The following HMG20A variants were observed in gnomAD, a reference collection of about 807,000 sequenced individuals.
The protein encoded by HMG20A is high mobility group 20A, also known as high mobility group protein 20A.
In HMG20A, 17 loss-of-function variants were observed where a neutral mutation model predicts 43.9. The observed-to-expected ratio is 0.39, with a 90% CI of 0.27 to 0.58. The LOEUF (loss-of-function observed/expected upper bound fraction) is 0.58, where lower values mean the gene tolerates loss of function less well. Among genes scored for constraint, HMG20A ranks in the 20% least tolerant of loss-of-function variants. The pLI, the probability that HMG20A is intolerant of heterozygous loss-of-function variation, is 0.59. For synonymous variants in HMG20A, 132 were observed against 147.5 expected (o/e 0.89, Z 0.76); for missense variants, 341 against 438.2 (o/e 0.78, Z 1.98).
chr15:77,438,412 T>C (rs1406378741), intron 1 of HMG20A, among the ~76,000 whole-genome samples: 1 of 152,170 alleles, frequency 6.6e-6, no homozygotes, highest in Admixed American at 6.5e-5. Flanking sequence ...TATGCCATAA[T>C]GCAACCACAG....
chr15:77,504,474 C>T, the HMG20A span, among the ~76,000 whole-genome samples: 3 of 152,248 alleles, frequency 2.0e-5, no homozygotes, highest in South Asian at 2.1e-4. Context: ...TGTAAGGAAC[C>T]CTTTGCGCGG....
intron 1 of HMG20A, among the ~76,000 whole-genome samples, chr15:77,439,927 G>A (rs2073592987): frequency 6.6e-6 from 1 of 151,968 alleles, no homozygotes; most frequent in African/African-American, 2.4e-5. Context: ...ATTCTGGTGG[G>A]TATATAATAC....
intron 1 of HMG20A, among the ~76,000 whole-genome samples, chr15:77,432,191 T>G (rs1334782458): frequency 6.6e-6 from 1 of 152,174 alleles, no homozygotes; most frequent in Non-Finnish European, 1.5e-5. Flanking sequence ...ACTGCCAATC[T>G]AGAAATCACG....
At chr15:77,450,938 G>A (rs2073730176) in intron 1 of HMG20A, among the ~76,000 whole-genome samples, 1 of 152,094 alleles carries the variant, frequency 6.6e-6, no homozygotes, top group African/African-American at 2.4e-5. Context: ...TTCCTCTTGG[G>A]TCATCAAGTG....
At chr15:77,489,557 C>T (rs1234403316), downstream of HMG20A, among the ~76,000 whole-genome samples, 1 of 152,162 alleles carries the variant, frequency 6.6e-6, no homozygotes, top group Non-Finnish European at 1.5e-5. Context: ...TCCTAGTCCC[C>T]ATAGAGCTCT....
At chr15:77,497,655 TAG>T in the HMG20A span, among the ~76,000 whole-genome samples, 10,129 of 127,622 alleles carry the variant, frequency 0.079, 449 homozygotes, top group Non-Finnish European at 0.1. Context: ...GAGATATTAA[TAG>T]AGAGAGAGAG....
At chr15:77,493,381 G>A in the HMG20A span, among the ~76,000 whole-genome samples, 7 of 152,114 alleles carry the variant, frequency 4.6e-5, no homozygotes, top group Non-Finnish European at 1.0e-4. Context: ...TAGAGGAGCT[G>A]AAAGAAAACC....
At chr15:77,479,082 G>C in intron 8 of HMG20A, 97 bp from the exon 9 acceptor site, 1 of 1,167,658 alleles carries the variant, frequency 8.6e-7, no homozygotes, top group Non-Finnish European at 1.3e-6. Flanking sequence ...CATGTCTGTG[G>C]AGCAGACCAC....
the HMG20A span, among the ~76,000 whole-genome samples, chr15:77,500,615 C>A: frequency 6.8e-6 from 1 of 148,062 alleles, no homozygotes. Flanking sequence ...GTCTCCCAGG[C>A]TGGAGTGCAA....
chr15:77,509,593 T>G, the HMG20A span, among the ~76,000 whole-genome samples: 1 of 146,692 alleles, frequency 6.8e-6, no homozygotes, highest in African/African-American at 2.5e-5. Context: ...TGTGTGTGTG[T>G]GTGTGTGTGT....
At position 77,431,513 on chromosome 15, in the gene HMG20A, G is replaced by GT. The variant is rs1175570972; in HGVS notation, c.-5+10517dup. ...AGGCATGAGCTACCATGCCCAGCTG[G>GT]TTTTTTTTGTTTTTTTAATTGACAA... On this transcript the variant is annotated intron_variant, in intron 1 of 9. Coordinates refer to ENST00000336216, the MANE Select transcript of HMG20A (RefSeq NM_001304504.2). Among the ~76,000 whole-genome samples the GT allele has an allele frequency of 5.9e-5, 9 of 151,548 alleles. No homozygotes were observed. In the South Asian group the frequency reaches 8.3e-4, roughly 14 times the overall value.
At chr15:77,448,336 C>G (rs1238847919) in intron 1 of HMG20A, among the ~76,000 whole-genome samples, 1 of 152,182 alleles carries the variant, frequency 6.6e-6, no homozygotes, top group Non-Finnish European at 1.5e-5. Context: ...TAGTTCAGTC[C>G]AGCCACATTT....
chr15:77,427,819 G>A (rs2073442013), intron 1 of HMG20A, among the ~76,000 whole-genome samples: 1 of 152,182 alleles, frequency 6.6e-6, no homozygotes, highest in Non-Finnish European at 1.5e-5. Context: ...CATTTATGTA[G>A]TATTGTGCTA....
intron 1 of HMG20A, among the ~76,000 whole-genome samples, chr15:77,456,211 A>AT (rs1449419801): frequency 2.0e-5 from 3 of 152,204 alleles, no homozygotes; most frequent in African/African-American, 7.2e-5. Flanking sequence ...ATGACTAAAG[A>AT]TATCTGGAAA....
At chr15:77,428,574 CAA>C (rs773280152) in intron 1 of HMG20A, among the ~76,000 whole-genome samples, 12 of 152,198 alleles carry the variant, frequency 7.9e-5, no homozygotes, top group Non-Finnish European at 1.5e-4. Flanking sequence ...GAATATAAAA[CAA>C]GAGATACGAT....
At chr15:77,512,891 G>A in the HMG20A span, among the ~76,000 whole-genome samples, 1 of 151,998 alleles carries the variant, frequency 6.6e-6, no homozygotes, top group Non-Finnish European at 1.5e-5. Context: ...TCCAGTAATG[G>A]GGCAAACTGA....
intron 6 of HMG20A, 122 bp from the exon 7 acceptor site, chr15:77,477,433 C>A: frequency 1.4e-6 from 1 of 718,886 alleles, no homozygotes; most frequent in African/African-American, 1.8e-5. Context: ...CACAGACTCA[C>A]CTGGACTGAT....
intron 3 of HMG20A, among the ~76,000 whole-genome samples, chr15:77,465,173 A>G (rs2072743453): frequency 6.7e-6 from 1 of 150,052 alleles, no homozygotes; most frequent in Non-Finnish European, 1.5e-5. Flanking sequence ...GAAGCAGGAG[A>G]ATCTCTTGAA....
intron 1 of HMG20A, among the ~76,000 whole-genome samples, chr15:77,452,509 C>G (rs1282309944): frequency 6.6e-6 from 1 of 152,076 alleles, no homozygotes; most frequent in Non-Finnish European, 1.5e-5. Context: ...ATTGGCCAAA[C>G]AAGAGAGACT....
Sources: allele counts gnomAD v4.1 joint callset (sites outside exome capture counted in the v4.1 genomes callset), GRCh38; gene constraint gnomAD v4.1.1; transcripts MANE v1.5; gene names NCBI Gene and HGNC (gene_info 2026-07-23, HGNC 2026-07-21).